CAMKMT: variants seen among roughly 807,000 people sequenced by gnomAD.
CAMKMT encodes the protein CaM KMT.
In CAMKMT, 53 loss-of-function variants were observed where a neutral mutation model predicts 48.0. The ratio of observed to expected loss-of-function variants is 1.10; its 90% CI spans 0.89 to 1.39. CAMKMT has a LOEUF of 1.39. Among genes scored for constraint, CAMKMT ranks in the 40% most tolerant of loss-of-function variants. The pLI is 0.00. For synonymous variants in CAMKMT, 165 were observed against 152.3 expected (o/e 1.08, Z -0.61); for missense variants, 428 against 402.7 (o/e 1.06, Z -0.54).
chr2:44,593,571 C>T (rs566471317), intron 3 of CAMKMT, among the ~76,000 whole-genome samples: 2 of 152,240 alleles, frequency 1.3e-5, no homozygotes, highest in African/African-American at 4.8e-5. Flanking sequence ...TGGACTCACT[C>T]ACCTCATTTG....
chr2:44,509,504 T>C (rs937266522), intron 3 of CAMKMT, among the ~76,000 whole-genome samples: 5 of 152,106 alleles, frequency 3.3e-5, no homozygotes, highest in Middle Eastern at 3.4e-3. Flanking sequence ...AGAGATGGGG[T>C]TTCACCATGT....
chr2:44,600,110 T>C (rs1403094002), intron 3 of CAMKMT, among the ~76,000 whole-genome samples: 1 of 152,092 alleles, frequency 6.6e-6, no homozygotes, highest in South Asian at 2.1e-4. Flanking sequence ...TATTCTGAAA[T>C]TTACATTTAT....
At chr2:44,620,989 C>T in intron 3 of CAMKMT, among the ~76,000 whole-genome samples, 1 of 152,194 alleles carries the variant, frequency 6.6e-6, no homozygotes. Context: ...CTGGAGCAGG[C>T]CGGGTGCGGT....
At chr2:44,683,606 G>A (rs1676144678) in intron 3 of CAMKMT, among the ~76,000 whole-genome samples, 1 of 151,920 alleles carries the variant, frequency 6.6e-6, no homozygotes, top group Non-Finnish European at 1.5e-5. Flanking sequence ...GGATCGCAAG[G>A]TCAGGAGATC....
chr2:44,364,150 T>C (rs1332753114), intron 1 of CAMKMT, among the ~76,000 whole-genome samples: 1 of 151,912 alleles, frequency 6.6e-6, no homozygotes, highest in Non-Finnish European at 1.5e-5. Flanking sequence ...TACCTGGCTT[T>C]CAGTGATTCT....
intron 3 of CAMKMT, among the ~76,000 whole-genome samples, chr2:44,441,895 C>T (rs1297932742): frequency 2.0e-5 from 3 of 152,138 alleles, no homozygotes; most frequent in Non-Finnish European, 2.9e-5. Context: ...TTTATCTAGA[C>T]TTCTAAGGCT....
At chr2:44,466,362 A>G (rs1354714471) in intron 3 of CAMKMT, among the ~76,000 whole-genome samples, 1 of 152,236 alleles carries the variant, frequency 6.6e-6, no homozygotes, top group Non-Finnish European at 1.5e-5. Flanking sequence ...CTAGAAATCA[A>G]CATCAAAAGG....
Position 44,492,620 on chromosome 2 carries a change from A to G in CAMKMT, c.376+102315A>G, listed in dbSNP as rs148994111. ...CTTTGACGAATCTTTCTTGGACCCA[A>G]TATCACCGATGATGTTGGTTTGTGG... is the stretch of plus-strand genomic sequence containing the variant. On this transcript the variant is annotated intron_variant, in intron 3 of 10. Transcript: ENST00000378494. 2.5e-3 allele frequency among the ~76,000 whole-genome samples: 376 copies of G among 152,276 alleles called. 1 individual carries two copies. Among genetic ancestry groups the G allele is most frequent in the Non-Finnish European group, 3.9e-3 (268 of 68,022 alleles).
At chr2:44,551,220 G>A (rs1667699509) in intron 3 of CAMKMT, among the ~76,000 whole-genome samples, 1 of 152,098 alleles carries the variant, frequency 6.6e-6, no homozygotes, top group East Asian at 1.9e-4. Flanking sequence ...TGGATACGGG[G>A]CTTTACACAG....
Position 44,579,718 on chromosome 2 carries a change from A to T in CAMKMT, c.377-124565A>T, listed in dbSNP as rs571181390. Reference sequence around the variant, plus strand: ...TGGAAAGGCAGCTGATTTACTCCAGACAGTGAGAGATTTGGCCACTCAGGG... The same window carrying T: ...TGGAAAGGCAGCTGATTTACTCCAGTCAGTGAGAGATTTGGCCACTCAGGG... On this transcript the variant is annotated intron_variant, in intron 3 of 10. Coordinates refer to ENST00000378494, the MANE Select transcript of CAMKMT (RefSeq NM_024766.5). Among the ~76,000 whole-genome samples, 21 of 152,318 alleles carry T rather than the reference A, an allele frequency of 1.4e-4. No individual in the cohort carries two copies. In the South Asian group the frequency reaches 2.5e-3, roughly 18 times the overall value.
At chr2:44,394,572 C>G (rs765078438) in intron 3 of CAMKMT, among the ~76,000 whole-genome samples, 1 of 151,982 alleles carries the variant, frequency 6.6e-6, no homozygotes, top group Non-Finnish European at 1.5e-5. Context: ...GGATTACAGG[C>G]GCCTGCTACT....
intron 3 of CAMKMT, among the ~76,000 whole-genome samples, chr2:44,425,237 A>G (rs1340039966): frequency 6.6e-6 from 1 of 152,220 alleles, no homozygotes; most frequent in Non-Finnish European, 1.5e-5. Context: ...TGAATAAAAC[A>G]TTATCTTATC....
intron 6 of CAMKMT, 96 bp downstream of exon 6, chr2:44,707,558 A>G: frequency 9.9e-7 from 1 of 1,005,864 alleles, no homozygotes; most frequent in Middle Eastern, 2.1e-4. Context: ...TGGGGTATTA[A>G]AAGAGAGTTT....
chr2:44,456,943 A>G (rs920041659), intron 3 of CAMKMT: 1 of 201,888 alleles, frequency 5.0e-6, no homozygotes, highest in Non-Finnish European at 1.0e-5. Flanking sequence ...AGTGAAGTAC[A>G]GTATTCATAA....
At chr2:44,446,291 G>C (rs772702973) in intron 3 of CAMKMT, among the ~76,000 whole-genome samples, 1 of 151,888 alleles carries the variant, frequency 6.6e-6, no homozygotes, top group African/African-American at 2.4e-5. Context: ...GTTCAGTTGC[G>C]TTGATTATTC....
At chr2:44,663,892 G>C (rs528564994) in intron 3 of CAMKMT, among the ~76,000 whole-genome samples, 4 of 152,182 alleles carry the variant, frequency 2.6e-5, no homozygotes, top group African/African-American at 9.6e-5. Flanking sequence ...TCTTGTGGGG[G>C]AAGATAAATA....
intron 3 of CAMKMT, among the ~76,000 whole-genome samples, chr2:44,680,572 C>T (rs1675959093): frequency 6.6e-6 from 1 of 152,164 alleles, no homozygotes; most frequent in Non-Finnish European, 1.5e-5. Flanking sequence ...GGAAAATTCA[C>T]TTAGGCTGAG....
At chr2:44,570,997 C>T (rs927223874) in intron 3 of CAMKMT, among the ~76,000 whole-genome samples, 1 of 152,062 alleles carries the variant, frequency 6.6e-6, no homozygotes, top group African/African-American at 2.4e-5. Flanking sequence ...ACCCAAACCA[C>T]AAGAAACATT....
Position 44,362,069 on chromosome 2 carries a change from C to T in CAMKMT, c.62C>T (p.Pro21Leu). The T allele has an allele frequency of 1.4e-6, 2 of 1,443,718 alleles. No individual in the cohort carries two copies. The highest frequency in any genetic ancestry group is 9.0e-7 in the Non-Finnish European group (1 of 1,106,546). 89.4% of individuals were successfully genotyped at this position (1,443,718 alleles called of 1,614,324 possible). The part of the protein sequence containing the change: ...GETARAAGGS[P>L]AVGCTTRGPV... ...ACCGCGCGAGCAGCGGGCGGGAGTC[C>T]GGCAGTTGGCTGCACCACTCGGGGG... The change falls in exon 1 of 11, where the codon CCG becomes CTG. Residue 21 changes from proline to leucine, a missense_variant. Transcript: ENST00000378494.
Sources: gnomAD v4.1 joint callset for allele counts (sites outside exome capture counted in the v4.1 genomes callset) on GRCh38, gnomAD v4.1.1 for gene constraint, MANE v1.5 for transcripts, NCBI Gene and HGNC (gene_info 2026-07-23, HGNC 2026-07-21) for gene names.